Variants in WFDC13 observed in about 807,000 individuals in gnomAD.
The protein encoded by WFDC13 is WAP four-disulfide core domain protein 13.
In WFDC13, 6 loss-of-function variants were observed where a neutral mutation model predicts 10.9. The ratio of observed to expected loss-of-function variants is 0.55; its 90% confidence interval spans 0.30 to 1.09. WFDC13 has a LOEUF of 1.09. Among genes scored for constraint, WFDC13 ranks in the 50% least tolerant of loss-of-function variants. WFDC13 has a pLI of 0.06. For missense variants in WFDC13, 104 were observed against 109.6 expected (o/e 0.95, Z 0.23); for synonymous variants, 38 against 39.5 (o/e 0.96, Z 0.14).
Position 45,704,461 on chromosome 20 carries a change from C to G in WFDC13, c.106C>G (p.Pro36Ala), listed in dbSNP as rs1984303572. 1 of 1,613,668 alleles carries G rather than the reference C, an allele frequency of 6.2e-7. No homozygotes were observed. The part of the protein sequence containing the change: ...QRVLKYILEP[P>A]PCISAPENCT... ...TGTTCCAGAGTATATCTTGGAACCT[C>G]CACCCTGCATATCAGCACCTGAAAA... The change falls in exon 2 of 4, where the codon CCA (proline) becomes GCA (alanine). Residue 36 changes from proline to alanine, a missense_variant. Pro to Ala is a conservative substitution (Grantham distance 27). Transcript: ENST00000305479.
At chr20:45,704,828 G>T in intron 2 of WFDC13, 1 of 1,429,338 alleles carries the variant, frequency 7.0e-7, no homozygotes, top group Non-Finnish European at 9.8e-7. Flanking sequence ...GTGAATTTCT[G>T]ACTCTGCCTC....
intron 2 of WFDC13, chr20:45,704,806 A>C: frequency 1.5e-6 from 2 of 1,319,012 alleles, no homozygotes; most frequent in Admixed American, 1.7e-5. Context: ...ACCACATCCC[A>C]TCACCATATC....
chr20:45,707,417 C>T (rs1281452274), intron 3 of WFDC13, among the ~76,000 whole-genome samples: 1 of 152,190 alleles, frequency 6.6e-6, no homozygotes, highest in East Asian at 1.9e-4. Flanking sequence ...CTATCCAATA[C>T]TGTAGGCACT....
chr20:45,704,957 A>T, intron 2 of WFDC13: 1 of 1,614,052 alleles, frequency 6.2e-7, no homozygotes, highest in Non-Finnish European at 8.5e-7. Flanking sequence ...AATTTGTCCT[A>T]CACTTTTGCT....
At chr20:45,702,307 C>A in intron 1 of WFDC13, 96 bp downstream of exon 1, 1 of 1,268,690 alleles carries the variant, frequency 7.9e-7, no homozygotes, top group Non-Finnish European at 1.1e-6. Context: ...GGAAAAATAC[C>A]GTGTCATGTT....
intron 3 of WFDC13, 27 bp from the exon 4 acceptor site, chr20:45,707,831 G>A (rs1050665713): frequency 6.6e-5 from 10 of 152,146 alleles, no homozygotes; most frequent in African/African-American, 2.2e-4. Flanking sequence ...AAGAATAAAT[G>A]GACTAATTAT....
intron 2 of WFDC13, among the ~76,000 whole-genome samples, chr20:45,705,485 CCT>C (rs1600970012): frequency 6.6e-6 from 1 of 152,206 alleles, no homozygotes; most frequent in Non-Finnish European, 1.5e-5. Flanking sequence ...AGCTAATTAA[CCT>C]CTCTCTGGGC....
intron 1 of WFDC13, 130 bp downstream of exon 1, chr20:45,702,341 G>A: frequency 1.1e-6 from 1 of 950,940 alleles, no homozygotes; most frequent in Admixed American, 2.4e-5. Context: ...TTTATTGTTG[G>A]CAAGATCTAG....
At chr20:45,703,581 T>C (rs1203038581) in intron 1 of WFDC13, among the ~76,000 whole-genome samples, 1 of 152,110 alleles carries the variant, frequency 6.6e-6, no homozygotes, top group Non-Finnish European at 1.5e-5. Flanking sequence ...AATTAGGACC[T>C]GGAAGGGCTT....
Position 45,705,876 on chromosome 20 carries a change from G to C in WFDC13, c.253G>C (p.Gly85Arg). 6.2e-7 allele frequency: 1 copy of C among 1,613,716 alleles called. No homozygotes were observed. Among genetic ancestry groups the C allele is most frequent in the African/African-American group, 1.3e-5 (1 of 74,970 alleles). Residue 85 changes from glycine (G) to arginine (R), a missense_variant, in exon 3 of 4, where the codon GGC becomes CGC. Transcript: ENST00000305479. ...FQKRNRIKHK[G>R]SEVIMPAN ...TTTCTTCTACAGAATCAAACACAAG[G>C]GCTCAGAAGTCATCATGCCTGCCAA... is the stretch of plus-strand genomic sequence containing the variant.
intron 3 of WFDC13, among the ~76,000 whole-genome samples, chr20:45,706,981 T>C (rs1446673753): frequency 6.6e-6 from 1 of 152,218 alleles, no homozygotes; most frequent in East Asian, 1.9e-4. Context: ...TGTTCCAAAT[T>C]AGAATGGTGG....
chr20:45,705,139 T>C (rs762692314), intron 2 of WFDC13: 4 of 708,902 alleles, frequency 5.6e-6, no homozygotes, highest in South Asian at 5.0e-5. Context: ...ATGAGACATA[T>C]GGTTTCTAAT....
Position 45,708,468 on chromosome 20 carries a change from G to A in WFDC13, c.*633G>A, listed in dbSNP as rs1984484587. ...AGCACCACCTGAGCCAGAAACTGCAGAGGACATGACAGTGTGGCATTACTG... is the reference window on the plus strand; with the variant it reads ...AGCACCACCTGAGCCAGAAACTGCAAAGGACATGACAGTGTGGCATTACTG... On this transcript the variant is annotated 3_prime_UTR_variant, in exon 4 of 4. Transcript: ENST00000305479. The A allele has an allele frequency of 6.6e-6, 1 of 152,086 alleles. No homozygotes were observed. The allele number at this position is 152,086 out of a possible 1,614,324, so 9.4% of individuals were successfully genotyped here.
At chr20:45,704,892 C>A in intron 2 of WFDC13, 1 of 1,611,392 alleles carries the variant, frequency 6.2e-7, no homozygotes, top group Non-Finnish European at 8.5e-7. Context: ...GACCCAGAAT[C>A]CACCCTTATC....
chr20:45,706,064 C>CTTGGAGGGGA, intron 3 of WFDC13, 137 bp downstream of exon 3: 1 of 708,028 alleles, frequency 1.4e-6, no homozygotes, highest in Non-Finnish European at 2.4e-6. Flanking sequence ...CCTCCTCCTC[C>CTTGGAGGGGA]ATCATTCCCC....
intron 3 of WFDC13, among the ~76,000 whole-genome samples, chr20:45,706,652 A>T (rs1372871258): frequency 6.6e-6 from 1 of 152,090 alleles, no homozygotes; most frequent in Non-Finnish European, 1.5e-5. Flanking sequence ...CACACCTGGA[A>T]TCCCAGCTAC....
At chr20:45,705,190 C>T (rs116762946) in intron 2 of WFDC13, 178 of 559,602 alleles carry the variant, frequency 3.2e-4, no homozygotes, top group African/African-American at 2.9e-3. Context: ...TTGAGTAAGA[C>T]AATTCCCTCT....
chr20:45,702,335 T>C (rs761574420), intron 1 of WFDC13, 124 bp downstream of exon 1: 164 of 993,716 alleles, frequency 1.7e-4, no homozygotes, highest in South Asian at 4.6e-4. Context: ...CCAAGCTTTA[T>C]TGTTGGCAAG....
chr20:45,706,771 C>CA (rs11362047), intron 3 of WFDC13, among the ~76,000 whole-genome samples: 63 of 138,190 alleles, frequency 4.6e-4, no homozygotes, highest in Admixed American at 7.2e-4. Flanking sequence ...GACTCCGTCT[C>CA]AAAAAAAAAA....
Sources: allele counts gnomAD v4.1 joint callset (sites outside exome capture counted in the v4.1 genomes callset), GRCh38; gene constraint gnomAD v4.1.1; transcripts MANE v1.5; gene names NCBI Gene and HGNC (gene_info 2026-07-23, HGNC 2026-07-21).